Variants in GRHL2 observed in about 807,000 individuals in gnomAD.
The protein encoded by GRHL2 is grainyhead like transcription factor 2.
In GRHL2, 21 loss-of-function variants were observed where a neutral mutation model predicts 83.8. That is an observed-to-expected ratio of 0.25 (90% CI 0.18 to 0.36). The LOEUF (loss-of-function observed/expected upper bound fraction) is 0.36, where lower values mean the gene tolerates loss of function less well. Among genes scored for constraint, GRHL2 ranks in the 10% least tolerant of loss-of-function variants. The pLI is 1.00. For missense variants in GRHL2, 623 were observed against 781.8 expected, an observed-to-expected ratio of 0.80 and a Z score of 2.42; for synonymous variants, 280 against 278.9, an observed-to-expected ratio of 1.00 and a Z score of -0.04.
In GRHL2 at chr8:101,636,447, G is replaced by C. The variant is rs142217629; in HGVS notation, c.1486-450G>C. Among the ~76,000 whole-genome samples, 637 of 152,042 alleles carry C rather than the reference G, an allele frequency of 4.2e-3. 5 individuals are homozygous for C. The highest frequency in any genetic ancestry group is 0.014 in the African/African-American group (593 of 41,466). On this transcript the variant is annotated intron_variant, in intron 11 of 15. Coordinates refer to ENST00000646743, the MANE Select transcript of GRHL2 (RefSeq NM_024915.4). The stretch of plus-strand genomic sequence containing the variant: ...GCCCTCTTACCCCACTCTCCATCCC[G>C]CATTTGGTCCACAGACAAGCTGACT...
intron 14 of GRHL2, among the ~76,000 whole-genome samples, chr8:101,662,858 TAC>T (rs1263612827): frequency 1.2e-4 from 14 of 117,886 alleles, no homozygotes; most frequent in Non-Finnish European, 2.1e-4. Flanking sequence ...TCTATGTACT[TAC>T]ATATATATAC....
chr8:101,606,211 A>T (rs1563604243), intron 8 of GRHL2, among the ~76,000 whole-genome samples: 1 of 152,228 alleles, frequency 6.6e-6, no homozygotes, highest in East Asian at 1.9e-4. Context: ...CTTACACATA[A>T]GCCAATGTTC....
chr8:101,599,623 G>T (rs1812469588), intron 8 of GRHL2, among the ~76,000 whole-genome samples: 1 of 152,214 alleles, frequency 6.6e-6, no homozygotes, highest in African/African-American at 2.4e-5. Flanking sequence ...ACTGATGGAG[G>T]TGTGGTCACC....
chr8:101,580,587 A>G (rs1434773524), intron 7 of GRHL2, among the ~76,000 whole-genome samples: 1 of 152,088 alleles, frequency 6.6e-6, no homozygotes, highest in South Asian at 2.1e-4. Context: ...AAAAGCCAAG[A>G]TGCTAAGAGG....
At chr8:101,663,358 A>G (rs1275289394) in intron 14 of GRHL2, among the ~76,000 whole-genome samples, 1 of 152,102 alleles carries the variant, frequency 6.6e-6, no homozygotes, top group Admixed American at 6.6e-5. Context: ...TCACGTCTGT[A>G]ATCCCAGGAC....
chr8:101,657,658 G>A (rs1446895038), intron 14 of GRHL2, among the ~76,000 whole-genome samples: 1 of 152,022 alleles, frequency 6.6e-6, no homozygotes, highest in African/African-American at 2.4e-5. Flanking sequence ...GGCTAACATG[G>A]TGAAACCCCG....
At chr8:101,652,348 TG>T (rs756163514) in intron 14 of GRHL2, among the ~76,000 whole-genome samples, 4,548 of 73,732 alleles carry the variant, frequency 0.062, 159 homozygotes, top group African/African-American at 0.12. Flanking sequence ...TGTATGTGTG[TG>T]GTGTGTGTGG....
rs556182973 is a variant in GRHL2, at chr8:101,505,507, G to A, written c.20+12718G>A. Among the ~76,000 whole-genome samples, 58 of 150,418 alleles carry A rather than the reference G, an allele frequency of 3.9e-4. 1 individual carries two copies. Among genetic ancestry groups the A allele is most frequent in the African/African-American group, 1.3e-3 (52 of 40,792 alleles). On this transcript the variant is annotated intron_variant, in intron 1 of 15. Coordinates refer to ENST00000646743, the MANE Select transcript of GRHL2 (RefSeq NM_024915.4). ...CAGGAGAATCTCTTGAACCTGGGAC[G>A]CGGAGGTTGCAGTGAGCCGAGATTG...
intron 13 of GRHL2, among the ~76,000 whole-genome samples, chr8:101,645,012 T>C (rs1222621659): frequency 6.6e-6 from 1 of 152,092 alleles, no homozygotes; most frequent in Non-Finnish European, 1.5e-5. Flanking sequence ...CATGTCTGGC[T>C]AATCTGTCTA....
intron 1 of GRHL2, 105 bp downstream of exon 1, chr8:101,492,894 CTTTCT>C (rs1387589641): frequency 1.8e-6 from 2 of 1,094,196 alleles, no homozygotes; most frequent in Non-Finnish European, 2.8e-6. Context: ...TGGTATTTTT[CTTTCT>C]TTTTTCTTTT....
intron 8 of GRHL2, among the ~76,000 whole-genome samples, chr8:101,611,611 A>G (rs1812751424): frequency 6.6e-6 from 1 of 150,652 alleles, no homozygotes; most frequent in African/African-American, 2.5e-5. Flanking sequence ...TGGAAGTAGC[A>G]TGGATGCTCT....
At chr8:101,528,387 T>C (rs1363536438) in intron 1 of GRHL2, among the ~76,000 whole-genome samples, 1 of 152,176 alleles carries the variant, frequency 6.6e-6, no homozygotes, top group Non-Finnish European at 1.5e-5. Flanking sequence ...GTGCTTGTGT[T>C]GTAGGTGCAG....
chr8:101,494,975 T>C (rs564182682), intron 1 of GRHL2, among the ~76,000 whole-genome samples: 6 of 152,388 alleles, frequency 3.9e-5, no homozygotes, highest in Admixed American at 1.3e-4. Context: ...TTTGTTTCTC[T>C]CTCATTGGGC....
intron 8 of GRHL2, among the ~76,000 whole-genome samples, chr8:101,609,300 AC>A (rs921752660): frequency 4.0e-5 from 6 of 150,328 alleles, no homozygotes; most frequent in Non-Finnish European, 7.4e-5. Context: ...GTGGTCCTCA[AC>A]AAGCAGCATC....
At chr8:101,566,569 T>A (rs1811721418) in intron 4 of GRHL2, among the ~76,000 whole-genome samples, 1 of 147,066 alleles carries the variant, frequency 6.8e-6, no homozygotes, top group South Asian at 2.1e-4. Context: ...GTTATAACTA[T>A]AATAATATAA....
At chr8:101,531,052 G>C (rs1035384624) in intron 1 of GRHL2, among the ~76,000 whole-genome samples, 2 of 151,924 alleles carry the variant, frequency 1.3e-5, no homozygotes, top group Non-Finnish European at 2.9e-5. Flanking sequence ...GCAATGTAGG[G>C]AGACCTTGTC....
chr8:101,658,274 A>G (rs1347571815), intron 14 of GRHL2, among the ~76,000 whole-genome samples: 3 of 152,118 alleles, frequency 2.0e-5, no homozygotes, highest in Non-Finnish European at 4.4e-5. Flanking sequence ...CTTGCCCCCA[A>G]ACCATCTCAA....
intron 7 of GRHL2, 26 bp downstream of exon 7, chr8:101,577,545 T>C (rs759030492): frequency 7.7e-6 from 11 of 1,428,992 alleles, no homozygotes; most frequent in Non-Finnish European, 9.9e-6. Context: ...CTTCCCTGTA[T>C]AGTCCTCGAT....
intron 6 of GRHL2, among the ~76,000 whole-genome samples, chr8:101,575,678 T>C (rs946298541): frequency 2.0e-5 from 3 of 152,224 alleles, no homozygotes; most frequent in Non-Finnish European, 2.9e-5. Flanking sequence ...ACCAAGAATA[T>C]GCCATTATTT....
Sources: allele counts gnomAD v4.1 joint callset (sites outside exome capture counted in the v4.1 genomes callset), GRCh38; gene constraint gnomAD v4.1.1; transcripts MANE v1.5; gene names NCBI Gene and HGNC (gene_info 2026-07-23, HGNC 2026-07-21).